Variants in CTIF observed in about 807,000 individuals in gnomAD.
CTIF encodes cap binding complex dependent translation initiation factor, also known as CBP80/20-dependent translation initiation factor.
Under a neutral mutation model 66.0 loss-of-function variants are expected in CTIF, and 21 were observed. The ratio of observed to expected loss-of-function variants is 0.32; its 90% CI spans 0.23 to 0.46. CTIF has a LOEUF of 0.46. CTIF is among the 20% of genes least tolerant of loss of function. The pLI, the probability that CTIF is intolerant of heterozygous loss-of-function variation, is 1.00. For synonymous variants in CTIF, 345 were observed against 326.4 expected, an observed-to-expected ratio of 1.06 and a Z score of -0.62; for missense variants, 739 against 812.7, an observed-to-expected ratio of 0.91 and a Z score of 1.10.
chr18:48,646,223 A>G (rs1184734959), intron 3 of CTIF, among the ~76,000 whole-genome samples: 1 of 152,150 alleles, frequency 6.6e-6, no homozygotes, highest in Non-Finnish European at 1.5e-5. Context: ...TCATTAAAAA[A>G]CAATCCAATT....
intron 1 of CTIF, among the ~76,000 whole-genome samples, chr18:48,578,645 A>G (rs898270279): frequency 2.6e-5 from 4 of 152,204 alleles, no homozygotes; most frequent in African/African-American, 7.2e-5. Flanking sequence ...CCAAGTGTAT[A>G]TCTTTGGAAA....
chr18:48,553,763 C>G (rs2088949734), intron 1 of CTIF, among the ~76,000 whole-genome samples: 1 of 151,444 alleles, frequency 6.6e-6, no homozygotes, highest in Non-Finnish European at 1.5e-5. Flanking sequence ...TCATGCTATT[C>G]TCCTGCCTCA....
At chr18:48,559,534 G>A (rs1459944580) in intron 1 of CTIF, among the ~76,000 whole-genome samples, 1 of 152,180 alleles carries the variant, frequency 6.6e-6, no homozygotes, top group African/African-American at 2.4e-5. Flanking sequence ...ATAATCCTTT[G>A]TCCTGCTCAT....
rs188271719 is a variant in CTIF at position 48,620,583 on chromosome 18, C to T, written c.180+838C>T. On this transcript the variant is annotated intron_variant, in intron 2 of 11. Transcript: ENST00000256413. ...CTGGCAAATGGGAATTATGCTGTTG[C>T]CTCGGGAATGTTGGAAGGTCAAAGA... Among the ~76,000 whole-genome samples the T allele has an allele frequency of 2.2e-4, 34 of 152,226 alleles. No homozygotes were observed. The East Asian group carries it at 5.4e-3, about 24-fold the overall frequency.
intron 7 of CTIF, among the ~76,000 whole-genome samples, chr18:48,719,698 A>G (rs554639612): frequency 2.6e-5 from 4 of 152,270 alleles, no homozygotes; most frequent in Non-Finnish European, 5.9e-5. Flanking sequence ...CAGCTCTCAT[A>G]GTATAAGCAA....
intron 6 of CTIF, among the ~76,000 whole-genome samples, chr18:48,685,285 C>T (rs1287111866): frequency 6.6e-6 from 1 of 151,758 alleles, no homozygotes; most frequent in African/African-American, 2.4e-5. Context: ...TGCAATGGTG[C>T]GACCTCGGCT....
chr18:48,608,173 T>C lies in CTIF; in HGVS notation c.-28-11365T>C, dbSNP rs9964634. On this transcript the variant is annotated intron_variant, in intron 1 of 11. Transcript: ENST00000256413. ...AGCAGCGGGGAGGCATTAGAGAGTG[T>C]ATGGGTCTGCAGAGAACTGGGGTTG... Among the ~76,000 whole-genome samples the C allele has an allele frequency of 4.0e-3, 614 of 152,052 alleles. 4 individuals carry two copies. The highest frequency in any genetic ancestry group is 0.014 in the African/African-American group (597 of 41,464).
At chr18:48,772,791 A>G (rs1171816992) in intron 9 of CTIF, among the ~76,000 whole-genome samples, 2 of 152,178 alleles carry the variant, frequency 1.3e-5, no homozygotes, top group Non-Finnish European at 2.9e-5. Flanking sequence ...TGCTGATAGG[A>G]GCATGCATGC....
chr18:48,758,343 C>A lies in CTIF; in HGVS notation c.1009C>A (p.Arg337=). The A allele has an allele frequency of 1.2e-6, 2 of 1,611,688 alleles. No individual in the cohort carries two copies. The highest frequency in any genetic ancestry group is 1.7e-6 in the Non-Finnish European group (2 of 1,179,358). Residue 337 remains arginine (R), a synonymous_variant, in exon 8 of 12, where the codon CGG becomes AGG. Coordinates refer to ENST00000256413, the MANE Select transcript of CTIF (RefSeq NM_014772.3). ...DSILPERIGE[R]PKITLLQSSK... ...TATTCTTCCCGAGCGCATCGGGGAG[C>A]GGCCCAAAATTACCCTGCTCCAGTC... is the stretch of plus-strand genomic sequence containing the variant.
At chr18:48,657,774 C>T (rs1598815882) in intron 3 of CTIF, among the ~76,000 whole-genome samples, 1 of 152,136 alleles carries the variant, frequency 6.6e-6, no homozygotes, top group Admixed American at 6.5e-5. Flanking sequence ...CTTTTGTTTT[C>T]ACTGAGTCCA....
intron 9 of CTIF, among the ~76,000 whole-genome samples, chr18:48,765,695 A>G (rs1348165805): frequency 6.6e-6 from 1 of 152,242 alleles, no homozygotes. Flanking sequence ...TCCCAGCCAG[A>G]CTCAACACTG....
intron 1 of CTIF, among the ~76,000 whole-genome samples, chr18:48,588,089 G>C (rs1370283527): frequency 6.6e-6 from 1 of 152,144 alleles, no homozygotes; most frequent in African/African-American, 2.4e-5. Context: ...GCTCAGAACT[G>C]AGCAACCCTT....
At chr18:48,857,742 C>A in intron 11 of CTIF, 101 bp downstream of exon 11, 1 of 1,107,532 alleles carries the variant, frequency 9.0e-7, no homozygotes, top group Non-Finnish European at 1.3e-6. Flanking sequence ...ATTTACAAGT[C>A]CAGGGGAAGG....
intron 6 of CTIF, among the ~76,000 whole-genome samples, chr18:48,675,042 G>T (rs914218580): frequency 3.3e-5 from 5 of 151,712 alleles, no homozygotes; most frequent in Admixed American, 6.6e-5. Flanking sequence ...ATGGGGTGGT[G>T]GGGGGTCGGC....
intron 7 of CTIF, among the ~76,000 whole-genome samples, chr18:48,752,945 A>C (rs574222846): frequency 6.6e-6 from 1 of 152,160 alleles, no homozygotes; most frequent in African/African-American, 2.4e-5. Flanking sequence ...TCATTCTGCA[A>C]ACTGGGGTGG....
chr18:48,619,852 C>T, intron 2 of CTIF, 107 bp downstream of exon 2: 4 of 1,086,790 alleles, frequency 3.7e-6, no homozygotes, highest in Middle Eastern at 3.1e-4. Context: ...ACCGCCAAGG[C>T]ATGAATGGTC....
intron 7 of CTIF, among the ~76,000 whole-genome samples, chr18:48,738,097 A>G (rs1344532770): frequency 6.6e-6 from 1 of 152,152 alleles, no homozygotes; most frequent in African/African-American, 2.4e-5. Flanking sequence ...ACACAGCTTC[A>G]TCCTTCTTGC....
chr18:48,626,672 T>TTTTTTTG (rs2090610008), intron 2 of CTIF, among the ~76,000 whole-genome samples: 2 of 149,144 alleles, frequency 1.3e-5, no homozygotes, highest in African/African-American at 2.5e-5. Flanking sequence ...TTTTTTTTTT[T>TTTTTTTG]GAGACAAAGT....
At chr18:48,614,876 T>A (rs946031140) in intron 1 of CTIF, among the ~76,000 whole-genome samples, 2 of 151,620 alleles carry the variant, frequency 1.3e-5, no homozygotes, top group African/African-American at 4.8e-5. Flanking sequence ...TGGTTGGTTG[T>A]TTTTTTTGTT....
Sources: allele counts gnomAD v4.1 joint callset (sites outside exome capture counted in the v4.1 genomes callset), GRCh38; gene constraint gnomAD v4.1.1; transcripts MANE v1.5; gene names NCBI Gene and HGNC (gene_info 2026-07-23, HGNC 2026-07-21).